F2: variants seen among roughly 807,000 people sequenced by gnomAD.
F2 encodes prothrombin.
F2 carries 34 observed loss-of-function variants against 81.9 expected under a neutral mutation model. The observed-to-expected ratio is 0.42, with a 90% CI of 0.32 to 0.55. The LOEUF is 0.55. Among genes scored for constraint, F2 ranks in the 20% least tolerant of loss-of-function variants. The probability of loss-of-function intolerance (pLI) is 0.18; values close to 1 mark genes in which losing one functional copy is unlikely to be tolerated. For synonymous variants in F2, 296 were observed against 326.4 expected (o/e 0.91, Z 1.01); for missense variants, 630 against 833.4 (o/e 0.76, Z 3.00).
intron 12 of F2, among the ~76,000 whole-genome samples, chr11:46,737,364 G>A (rs996725229): frequency 1.3e-5 from 2 of 150,516 alleles, no homozygotes; most frequent in South Asian, 2.1e-4. Context: ...GGCTGGTCTC[G>A]AACTCCTGAC....
intron 12 of F2, among the ~76,000 whole-genome samples, chr11:46,737,600 C>G (rs2064951972): frequency 6.7e-6 from 1 of 150,206 alleles, no homozygotes; most frequent in Admixed American, 6.7e-5. Context: ...ACTGCCACGC[C>G]CAGCTAATTT....
rs756486141 is a variant in F2, at chr11:46,726,371, C to G, written c.875-127C>G. 7.3e-6 allele frequency: 11 copies of G among 1,515,168 alleles called. No homozygotes were observed. The highest frequency in any genetic ancestry group is 1.4e-5 in the African/African-American group (1 of 72,388). The allele number at this position is 1,515,168 out of a possible 1,614,324, so 93.9% of individuals were successfully genotyped here. A position where few individuals can be genotyped will look rare whatever the true frequency, so the allele number is the denominator to read the frequency against. On this transcript the variant is annotated intron_variant, in intron 7 of 13. Transcript: ENST00000311907. This position sits in a 1 kb window ranked among gnomAD's most constrained non-coding sequence, Gnocchi z 5.9. Reference sequence around the variant, plus strand: ...CCCAGGAGGTTATTGCCTAGTAGCCCAACTGTGCATGCACGCTTAACCTCT... The same window carrying G: ...CCCAGGAGGTTATTGCCTAGTAGCCGAACTGTGCATGCACGCTTAACCTCT...
chr11:46,725,112 C>A (rs2064863935), intron 6 of F2, among the ~76,000 whole-genome samples: 1 of 140,404 alleles, frequency 7.1e-6, no homozygotes, highest in Non-Finnish European at 1.5e-5. Context: ...CTCTGTCACC[C>A]AGGCTGGAGT....
chr11:46,728,273 G>T lies in F2; in HGVS notation c.1298+110G>T. On this transcript the variant is annotated intron_variant, in intron 10 of 13. Transcript: ENST00000311907. This position sits in a 1 kb window ranked among gnomAD's most constrained non-coding sequence, Gnocchi z 5.1. ...CATAGGATGTTCTGTATACCCCCCA[G>T]AATATAACATCCCAGCAGTCTCTGC... The T allele has an allele frequency of 8.4e-7, 1 of 1,185,162 alleles. No homozygotes were observed. Among genetic ancestry groups the T allele is most frequent in the Non-Finnish European group, 1.2e-6 (1 of 820,042 alleles). The allele number at this position is 1,185,162 out of a possible 1,614,324, so 73.4% of individuals were successfully genotyped here.
At chr11:46,720,178 G>C (rs1390341071) in intron 2 of F2, 1 of 545,100 alleles carries the variant, frequency 1.8e-6, no homozygotes, top group Admixed American at 3.1e-5. Context: ...TTGAGGGGTG[G>C]GACTCTGGGG....
At chr11:46,731,677 G>C (rs1235877650) in intron 12 of F2, among the ~76,000 whole-genome samples, 1 of 150,858 alleles carries the variant, frequency 6.6e-6, no homozygotes, top group Non-Finnish European at 1.5e-5. Context: ...TGGTTATTTT[G>C]TACACTGGCC....
In F2 at chr11:46,723,430, C is replaced by T; in HGVS notation, c.471C>T (p.Cys157=). 1 of 1,614,098 alleles carries T rather than the reference C, an allele frequency of 6.2e-7. No homozygotes were observed. The highest frequency in any genetic ancestry group is 1.1e-5 in the South Asian group (1 of 91,078). ...GGGCCGACCTACAGGAGAATTTCTG[C>T]CGCAACCCCGACAGCAGCACCACGG... ...HPGADLQENF[C]RNPDSSTTGP... Residue 157 remains cysteine (C), a synonymous_variant, in exon 6 of 14, where the codon TGC becomes TGT. Transcript: ENST00000311907. This position sits in a 1 kb window ranked among gnomAD's most constrained non-coding sequence, Gnocchi z 5.6.
At chr11:46,736,121 T>C (rs1468907256) in intron 12 of F2, among the ~76,000 whole-genome samples, 1 of 152,126 alleles carries the variant, frequency 6.6e-6, no homozygotes, top group Non-Finnish European at 1.5e-5. Flanking sequence ...GGGAATCACT[T>C]GAACCTGGGA....
chr11:46,723,281 C>A lies in F2; in HGVS notation c.418C>A (p.Pro140Thr). Reference protein sequence around the residue: ...QLWRSRYPHKPEINSTTHPGA... With the variant: ...QLWRSRYPHKTEINSTTHPGA... The stretch of plus-strand genomic sequence containing the variant: ...ATGGAGGAGTCGCTACCCACATAAG[C>A]CTGAGTGAGTGAGGGGCCGGCCTTC... The change falls in exon 5 of 14, where the codon CCT (proline) becomes ACT (threonine). Residue 140 changes from proline (P) to threonine (T), a missense_variant. Physicochemically the swap from Pro to Thr is conservative, Grantham distance 38. Coordinates refer to ENST00000311907, the MANE Select transcript of F2 (RefSeq NM_000506.5). This position sits in a 1 kb window ranked among gnomAD's most constrained non-coding sequence, Gnocchi z 5.6. 1 of 1,614,034 alleles carries A rather than the reference C, an allele frequency of 6.2e-7. No homozygotes were observed.
chr11:46,722,937 C>T (rs1440438102), intron 4 of F2, among the ~76,000 whole-genome samples: 1 of 152,200 alleles, frequency 6.6e-6, no homozygotes, highest in Non-Finnish European at 1.5e-5. Flanking sequence ...TGTGACTGTC[C>T]TATTGGTTGA....
At chr11:46,731,414 C>A (rs1389006867) in intron 12 of F2, among the ~76,000 whole-genome samples, 1 of 151,768 alleles carries the variant, frequency 6.6e-6, no homozygotes. Flanking sequence ...CTCCTGACCT[C>A]GGGTAATCCA....
Position 46,723,102 on chromosome 11 carries a change from T to TG in F2, c.317-73dup. On this transcript the variant is annotated intron_variant, in intron 4 of 13. Transcript: ENST00000311907. This position sits in a 1 kb window ranked among gnomAD's most constrained non-coding sequence, Gnocchi z 5.6. ...TTGTGGACCTGCATGAGCTGGGAGG[T>TG]GGGGGATAGACAACTTTGCAGGGAG... 8.2e-7 allele frequency: 1 copy of TG among 1,214,204 alleles called. No individual in the cohort carries two copies. The highest frequency in any genetic ancestry group is 2.3e-5 in the East Asian group (1 of 43,052). 75.2% of individuals were successfully genotyped at this position (1,214,204 alleles called of 1,614,324 possible).
chr11:46,726,939 C>T lies in F2; in HGVS notation c.1130+102C>T, dbSNP rs1004210095. ...CTGCAGGCCTGGGCTTTACAGATGA[C>T]AACAGCTGAGCATCCAGGATCCCAC... On this transcript the variant is annotated intron_variant, in intron 9 of 13. Transcript: ENST00000311907. The surrounding 1 kb of genome is among the most constrained non-coding windows in gnomAD (Gnocchi z 5.9). 5.1e-6 allele frequency: 8 copies of T among 1,565,806 alleles called. No individual in the cohort carries two copies. The highest frequency in any genetic ancestry group is 5.1e-5 in the Admixed American group (3 of 58,842).
chr11:46,721,775 C>T (rs1328556808), intron 4 of F2, among the ~76,000 whole-genome samples: 2 of 152,116 alleles, frequency 1.3e-5, no homozygotes, highest in African/African-American at 4.8e-5. Context: ...GGCAATTCTC[C>T]CATCTCAGTC....
chr11:46,733,029 A>G (rs2064922889), intron 12 of F2, among the ~76,000 whole-genome samples: 1 of 152,142 alleles, frequency 6.6e-6, no homozygotes, highest in Non-Finnish European at 1.5e-5. Context: ...TATATGATGC[A>G]TATACCAATA....
At position 46,728,186 on chromosome 11, in the gene F2, G is replaced by T. The variant is rs1244308923; in HGVS notation, c.1298+23G>T. On this transcript the variant is annotated intron_variant, in intron 10 of 13. Transcript: ENST00000311907. This position sits in a 1 kb window ranked among gnomAD's most constrained non-coding sequence, Gnocchi z 5.1. ...CAGGTACAGAACTGGTGGCCCGTGG[G>T]TGTCTGGCAGGGGTCTGAGTCCTCC... 1.3e-6 allele frequency: 2 copies of T among 1,599,702 alleles called. No individual in the cohort carries two copies. Among genetic ancestry groups the T allele is most frequent in the Non-Finnish European group, 1.7e-6 (2 of 1,173,600 alleles).
chr11:46,725,978 G>A lies in F2; in HGVS notation c.679G>A (p.Val227Met). The stretch of plus-strand genomic sequence containing the variant: ...GCAGCAGTACCAGGGGCGCCTGGCG[G>A]TGACCACACATGGGCTCCCCTGCCT... ...RGQQYQGRLAVTTHGLPCLAW... is the reference protein window; with the variant it reads ...RGQQYQGRLAMTTHGLPCLAW... The change falls in exon 7 of 14, where the codon GTG becomes ATG. Residue 227 changes from valine to methionine, a missense_variant. Transcript: ENST00000311907. 6.2e-7 allele frequency: 1 copy of A among 1,613,934 alleles called. No homozygotes were observed. The highest frequency in any genetic ancestry group is 8.5e-7 in the Non-Finnish European group (1 of 1,179,994).
At chr11:46,722,683 T>A (rs2064844371) in intron 4 of F2, among the ~76,000 whole-genome samples, 1 of 152,252 alleles carries the variant, frequency 6.6e-6, no homozygotes, top group African/African-American at 2.4e-5. Flanking sequence ...GTGTCTGGTT[T>A]GCCAGAAAAA....
intron 12 of F2, among the ~76,000 whole-genome samples, chr11:46,732,817 A>ACTTT (rs911690361): frequency 1.3e-5 from 2 of 152,098 alleles, no homozygotes; most frequent in Non-Finnish European, 2.9e-5. Flanking sequence ...TTCTTTGAGT[A>ACTTT]CTTTCTTTCT....
Sources: gnomAD v4.1 joint callset for allele counts (sites outside exome capture counted in the v4.1 genomes callset) on GRCh38, gnomAD v4.1.1 for gene constraint, Gnocchi (gnomAD v3.1) non-coding constraint, MANE v1.5 for transcripts, NCBI Gene and HGNC (gene_info 2026-07-23, HGNC 2026-07-21) for gene names.